SERPINB13: variants seen among roughly 807,000 people sequenced by gnomAD.
The protein encoded by SERPINB13 is serpin family B member 13.
Under a neutral mutation model 31.2 loss-of-function variants are expected in SERPINB13, and 26 were observed. That is an observed-to-expected ratio of 0.83 (90% CI 0.61 to 1.15). The LOEUF (loss-of-function observed/expected upper bound fraction) is 1.15, where lower values mean the gene tolerates loss of function less well. Ranked by LOEUF, SERPINB13 falls within the 50% of genes most tolerant of loss-of-function variation. The probability of loss-of-function intolerance (pLI) is 0.00; values close to 1 mark genes in which losing one functional copy is unlikely to be tolerated. For missense variants in SERPINB13, 510 were observed against 469.4 expected (o/e 1.09, Z -0.80); for synonymous variants, 191 against 172.4 (o/e 1.11, Z -0.85).
intron 6 of SERPINB13, 111 bp from the exon 7 acceptor site, chr18:63,594,918 T>G: frequency 3.1e-6 from 3 of 965,318 alleles, no homozygotes; most frequent in East Asian, 2.6e-5. Context: ...GAGACTCTGA[T>G]ATTGGGTTTT....
intron 7 of SERPINB13, among the ~76,000 whole-genome samples, chr18:63,595,658 A>G (rs2008005): frequency 1 from 151,760 of 151,834 alleles, 75,843 homozygotes; most frequent in Middle Eastern, 1. Context: ...CCAGCACTTT[A>G]GGAGGCTGAG....
At position 63,587,853 on chromosome 18, in the gene SERPINB13, TA is replaced by T. The variant is rs201694912; in HGVS notation, c.-18+408del. Among the ~76,000 whole-genome samples, 1,126 of 152,358 alleles carry T rather than the reference TA, an allele frequency of 7.4e-3. 17 individuals carry two copies. The highest frequency in any genetic ancestry group is 0.026 in the African/African-American group (1,072 of 41,588). On this transcript the variant is annotated intron_variant, in intron 1 of 7. Coordinates refer to ENST00000344731, the MANE Select transcript of SERPINB13 (RefSeq NM_012397.4). Reference sequence around the variant, plus strand: ...AAAGTAGTTGGTAATGAAGCAAACATAAAAACAGTTCTACCTATTTATTTTT... The same window carrying T: ...AAAGTAGTTGGTAATGAAGCAAACATAAAACAGTTCTACCTATTTATTTTT...
rs926453283 is a variant in SERPINB13 at position 63,598,087 on chromosome 18, C to CT, written c.*731dup. The CT allele has an allele frequency of 6.7e-6, 1 of 148,568 alleles. No homozygotes were observed. The highest frequency in any genetic ancestry group is 2.1e-4 in the South Asian group (1 of 4,708). The allele number at this position is 148,568 out of a possible 1,614,324, so 9.2% of individuals were successfully genotyped here. A position where few individuals can be genotyped will look rare whatever the true frequency, so the allele number is the denominator to read the frequency against. On this transcript the variant is annotated 3_prime_UTR_variant, in exon 8 of 8. Transcript: ENST00000344731. ...TGGACTAACTTTTAGAAAAGTTTCC[C>CT]TTTTTTTCTCCATTTACATTTTTCT...
At position 63,595,124 on chromosome 18, in the gene SERPINB13, T is replaced by C. The variant is rs757950595; in HGVS notation, c.711T>C (p.Tyr237=). 5 of 1,614,004 alleles carry C rather than the reference T, an allele frequency of 3.1e-6. No homozygotes were observed. The South Asian group carries it at 3.3e-5, about 11-fold the overall frequency. ...DLQAKILGIP[Y]KNNDLSMFVL... ...AGGCCAAAATTCTAGGGATTCCATATAAAAACAACGACCTAAGCATGTTTG... is the reference window on the plus strand; with the variant it reads ...AGGCCAAAATTCTAGGGATTCCATACAAAAACAACGACCTAAGCATGTTTG... Residue 237 remains tyrosine, a synonymous_variant, in exon 7 of 8, where the codon TAT becomes TAC. Coordinates refer to ENST00000344731, the MANE Select transcript of SERPINB13 (RefSeq NM_012397.4).
intron 7 of SERPINB13, 73 bp downstream of exon 7, chr18:63,595,257 C>A: frequency 6.8e-7 from 1 of 1,472,878 alleles, no homozygotes; most frequent in Non-Finnish European, 9.2e-7. Flanking sequence ...TGAGTAGGAG[C>A]TGGTGGCCAG....
At chr18:63,596,820 G>A in intron 7 of SERPINB13, 139 bp from the exon 8 acceptor site, 1 of 660,934 alleles carries the variant, frequency 1.5e-6, no homozygotes, top group Non-Finnish European at 2.4e-6. Context: ...GCAGTATAAA[G>A]ACAACAATCT....
chr18:63,594,306 T>C (rs11152395), intron 5 of SERPINB13, 49 bp from the exon 6 acceptor site: 1,285,543 of 1,608,304 alleles, frequency 0.8, 515,061 homozygotes, highest in African/African-American at 0.9. Flanking sequence ...ATACATATTA[T>C]TTGTCATTTG....
intron 4 of SERPINB13, 126 bp downstream of exon 4, chr18:63,592,602 C>A: frequency 1.0e-6 from 1 of 994,780 alleles, no homozygotes; most frequent in Non-Finnish European, 1.5e-6. Flanking sequence ...GCTTTTCCAT[C>A]CTGATCTACA....
intron 6 of SERPINB13, among the ~76,000 whole-genome samples, chr18:63,594,800 C>T (rs957832915): frequency 6.6e-6 from 1 of 152,160 alleles, no homozygotes; most frequent in Admixed American, 6.5e-5. Context: ...GATCATGCCA[C>T]TGCACTCCAG....
In SERPINB13 at chr18:63,595,111, T is replaced by C. The variant is rs568202717; in HGVS notation, c.698T>C (p.Leu233Pro). The C allele has an allele frequency of 6.2e-7, 1 of 1,614,128 alleles. No homozygotes were observed. Among genetic ancestry groups the C allele is most frequent in the African/African-American group, 1.3e-5 (1 of 75,042 alleles). ...CTGGAGGACTTGCAGGCCAAAATTC[T>C]AGGGATTCCATATAAAAACAACGAC... ...TFLEDLQAKI[L>P]GIPYKNNDLS... Residue 233 changes from leucine (L) to proline (P), a missense_variant, in exon 7 of 8, where the codon CTA becomes CCA. Leu to Pro is a moderately conservative substitution (Grantham distance 98). Transcript: ENST00000344731.
In SERPINB13 at chr18:63,588,840, G is replaced by T. The variant is rs752064082; in HGVS notation, c.165+8G>T. 1.2e-6 allele frequency: 2 copies of T among 1,612,286 alleles called. No homozygotes were observed. Among genetic ancestry groups the T allele is most frequent in the Non-Finnish European group, 1.7e-6 (2 of 1,179,416 alleles). On this transcript the variant is annotated splice_region_variant and intron_variant, in intron 2 of 7. Transcript: ENST00000344731. ...GCTTCCCAGTTGGAGGAGGTTGGGC[G>T]CAGTCAGGGGGCTTCCTTGTTTCCT...
At chr18:63,594,121 A>G in intron 5 of SERPINB13, 1 of 1,428,816 alleles carries the variant, frequency 7.0e-7, no homozygotes, top group Non-Finnish European at 9.4e-7. Context: ...ATCTGACCCC[A>G]GAGTCTGGAC....
At chr18:63,589,470 C>CATAT (rs1555678818) in intron 2 of SERPINB13, among the ~76,000 whole-genome samples, 186 bp from the exon 3 acceptor site, 1 of 150,064 alleles carries the variant, frequency 6.7e-6, no homozygotes, top group East Asian at 2.0e-4. Flanking sequence ...CACACACACA[C>CATAT]ACACACACAC....
At chr18:63,589,021 T>C (rs1911685693) in intron 2 of SERPINB13, among the ~76,000 whole-genome samples, 189 bp downstream of exon 2, 1 of 152,104 alleles carries the variant, frequency 6.6e-6, no homozygotes, top group African/African-American at 2.4e-5. Context: ...AAATACCATC[T>C]CGCCACCTGC....
At position 63,587,382 on chromosome 18, in the gene SERPINB13, C is replaced by T. The variant is rs753694957; in HGVS notation, c.-86C>T. On this transcript the variant is annotated 5_prime_UTR_variant, in exon 1 of 8. Coordinates refer to ENST00000344731, the MANE Select transcript of SERPINB13 (RefSeq NM_012397.4). Reference sequence around the variant, plus strand: ...TGTGGAGAACTATAAATTAAGGATCCCAGCTACTTAATTGACTTATGCTTC... The same window carrying T: ...TGTGGAGAACTATAAATTAAGGATCTCAGCTACTTAATTGACTTATGCTTC... 2.1e-6 allele frequency: 1 copy of T among 469,698 alleles called. No individual in the cohort carries two copies. The highest frequency in any genetic ancestry group is 1.6e-5 in the South Asian group (1 of 64,404). The allele number at this position is 469,698 out of a possible 1,614,324, so 29.1% of individuals were successfully genotyped here. A position where few individuals can be genotyped will look rare whatever the true frequency, so the allele number is the denominator to read the frequency against.
chr18:63,594,584 T>A, intron 6 of SERPINB13, 87 bp downstream of exon 6: 1 of 1,449,272 alleles, frequency 6.9e-7, no homozygotes, highest in Non-Finnish European at 9.4e-7. Context: ...CTGACACCTG[T>A]AATCCCAGCA....
At chr18:63,588,498 G>A (rs1198181814) in intron 1 of SERPINB13, among the ~76,000 whole-genome samples, 153 bp from the exon 2 acceptor site, 1 of 152,222 alleles carries the variant, frequency 6.6e-6, no homozygotes, top group Non-Finnish European at 1.5e-5. Flanking sequence ...GCCAAGAGAG[G>A]ACGTGAGAAG....
At chr18:63,594,044 A>C in intron 5 of SERPINB13, 1 of 699,864 alleles carries the variant, frequency 1.4e-6, no homozygotes, top group South Asian at 1.5e-5. Context: ...ACTGAGGCAC[A>C]GAGAGTTTAA....
Position 63,588,825 on chromosome 18 carries a change from TGGA to T in SERPINB13, c.164_165+1del. 1 of 1,613,736 alleles carries T rather than the reference TGGA, an allele frequency of 6.2e-7. No individual in the cohort carries two copies. Among genetic ancestry groups the T allele is most frequent in the Non-Finnish European group, 8.5e-7 (1 of 1,179,876 alleles). ...ACCCGAGGAGCCACCGCTTCCCAGT[TGGA>T]GGAGGTTGGGCGCAGTCAGGGGGCT... is the stretch of plus-strand genomic sequence containing the variant. On this transcript the variant is annotated inframe_deletion, in exon 2 of 8. Transcript: ENST00000344731.
Sources: allele counts gnomAD v4.1 joint callset (sites outside exome capture counted in the v4.1 genomes callset), GRCh38; gene constraint gnomAD v4.1.1; transcripts MANE v1.5; gene names NCBI Gene and HGNC (gene_info 2026-07-23, HGNC 2026-07-21).